The following PPP3CA variants were observed in gnomAD, a reference collection of about 807,000 sequenced individuals.
PPP3CA encodes the protein CAM-PRP catalytic subunit.
Under a neutral mutation model 66.5 loss-of-function variants are expected in PPP3CA, and 14 were observed. The observed-to-expected ratio is 0.21, with a 90% confidence interval of 0.14 to 0.33. The LOEUF (loss-of-function observed/expected upper bound fraction) is 0.33, where lower values mean the gene tolerates loss of function less well. PPP3CA is among the 10% of genes least tolerant of loss of function. The pLI is 1.00. For missense variants in PPP3CA, 317 were observed against 639.5 expected (o/e 0.50, Z 5.44); for synonymous variants, 232 against 226.2 (o/e 1.03, Z -0.23).
chr4:101,120,970 CA>C (rs1323519204), intron 2 of PPP3CA, among the ~76,000 whole-genome samples: 1 of 151,992 alleles, frequency 6.6e-6, no homozygotes, highest in Non-Finnish European at 1.5e-5. Flanking sequence ...GGAAACTATG[CA>C]AAAATCATGT....
intron 2 of PPP3CA, among the ~76,000 whole-genome samples, chr4:101,150,456 T>C (rs1723102126): frequency 6.6e-6 from 1 of 152,202 alleles, no homozygotes; most frequent in African/African-American, 2.4e-5. Flanking sequence ...ACGTTTCTCA[T>C]TCATTAAATG....
At chr4:101,154,484 A>T (rs77768583) in intron 2 of PPP3CA, among the ~76,000 whole-genome samples, 1 of 152,362 alleles carries the variant, frequency 6.6e-6, no homozygotes, top group East Asian at 1.9e-4. Flanking sequence ...AAAGAAAAAA[A>T]TCTAAAGCTA....
intron 1 of PPP3CA, among the ~76,000 whole-genome samples, chr4:101,332,856 T>A (rs1729433355): frequency 6.6e-6 from 1 of 152,216 alleles, no homozygotes; most frequent in Admixed American, 6.5e-5. Context: ...TTTGTCTAGC[T>A]GTAAACCAAT....
Position 101,080,643 on chromosome 4 carries a change from C to A in PPP3CA, c.861-17G>T. On this transcript the variant is annotated splice_polypyrimidine_tract_variant and intron_variant, in intron 7 of 13. Coordinates refer to ENST00000394854, the MANE Select transcript of PPP3CA (RefSeq NM_000944.5). Reference sequence around the variant, plus strand: ...ATGCGGTACCTAAAAAGAACAAATACAGTCAAAACAAAGCTTGTATGGAAA... The same window carrying A: ...ATGCGGTACCTAAAAAGAACAAATAAAGTCAAAACAAAGCTTGTATGGAAA... 7.2e-7 allele frequency: 1 copy of A among 1,386,848 alleles called. No homozygotes were observed. Among genetic ancestry groups the A allele is most frequent in the South Asian group, 1.6e-5 (1 of 61,024 alleles). The allele number at this position is 1,386,848 out of a possible 1,614,324, so 85.9% of individuals were successfully genotyped here.
intron 1 of PPP3CA, among the ~76,000 whole-genome samples, chr4:101,244,150 T>C (rs1348093972): frequency 6.6e-6 from 1 of 152,166 alleles, no homozygotes; most frequent in African/African-American, 2.4e-5. Flanking sequence ...AATCATCTCA[T>C]ATTTAGTTTC....
chr4:101,128,574 C>G (rs192930859), intron 2 of PPP3CA, among the ~76,000 whole-genome samples: 367 of 151,864 alleles, frequency 2.4e-3, no homozygotes, highest in Non-Finnish European at 4.1e-3. Context: ...ACTGGTTACA[C>G]AGTGGCTATA....
chr4:101,298,339 G>GATAGAT (rs1553939695), intron 1 of PPP3CA, among the ~76,000 whole-genome samples: 2 of 143,782 alleles, frequency 1.4e-5, no homozygotes, highest in Admixed American at 7.0e-5. Context: ...CAAGCAGGGA[G>GATAGAT]ATATATATAT....
chr4:101,095,256 A>G (rs989544665), intron 5 of PPP3CA, among the ~76,000 whole-genome samples: 1 of 152,166 alleles, frequency 6.6e-6, no homozygotes, highest in African/African-American at 2.4e-5. Flanking sequence ...TTTCTGAAAA[A>G]CAATAACTTA....
chr4:101,106,315 GTGCTAC>G (rs1730669773), intron 3 of PPP3CA, among the ~76,000 whole-genome samples: 1 of 149,690 alleles, frequency 6.7e-6, no homozygotes, highest in Non-Finnish European at 1.5e-5. Flanking sequence ...AGCTATGACT[GTGCTAC>G]TGCATTGTAG....
intron 6 of PPP3CA, among the ~76,000 whole-genome samples, chr4:101,092,251 G>A (rs1729986598): frequency 6.6e-6 from 1 of 152,040 alleles, no homozygotes; most frequent in African/African-American, 2.4e-5. Flanking sequence ...ATACTGTAAA[G>A]CTGCTTATTT....
chr4:101,237,838 T>C (rs1031445292), intron 1 of PPP3CA, among the ~76,000 whole-genome samples: 2 of 151,982 alleles, frequency 1.3e-5, no homozygotes, highest in African/African-American at 2.4e-5. Context: ...CTTTTAGGAG[T>C]ATTAGCTGCT....
intron 3 of PPP3CA, among the ~76,000 whole-genome samples, chr4:101,106,541 C>G: frequency 6.6e-6 from 1 of 150,522 alleles, no homozygotes; most frequent in East Asian, 2.0e-4. Context: ...CTATATAACC[C>G]TAATTCAAGG....
At chr4:101,098,251 T>C in intron 5 of PPP3CA, 116 bp downstream of exon 5, 1 of 1,190,544 alleles carries the variant, frequency 8.4e-7, no homozygotes, top group Non-Finnish European at 1.1e-6. Context: ...TCATGACCAC[T>C]TTAAATTATT....
At chr4:101,251,228 C>A (rs1285821760) in intron 1 of PPP3CA, among the ~76,000 whole-genome samples, 2 of 151,716 alleles carry the variant, frequency 1.3e-5, no homozygotes, top group African/African-American at 2.4e-5. Context: ...GAACAAAGTC[C>A]CTTAAAGTTT....
intron 1 of PPP3CA, among the ~76,000 whole-genome samples, chr4:101,317,225 C>A (rs1432744474): frequency 6.7e-6 from 1 of 149,970 alleles, no homozygotes; most frequent in Non-Finnish European, 1.5e-5. Flanking sequence ...TCAACATGGT[C>A]TTGGAGGCCC....
intron 1 of PPP3CA, among the ~76,000 whole-genome samples, chr4:101,238,741 TTCA>T (rs1408313061): frequency 6.6e-6 from 1 of 152,070 alleles, no homozygotes; most frequent in Non-Finnish European, 1.5e-5. Flanking sequence ...TGGGAAGCGC[TTCA>T]ATTCTAATGG....
intron 2 of PPP3CA, among the ~76,000 whole-genome samples, chr4:101,127,586 CT>C (rs1473373064): frequency 6.6e-6 from 1 of 152,166 alleles, no homozygotes; most frequent in Non-Finnish European, 1.5e-5. Context: ...AAGGCCCCGC[CT>C]ACATCCTGAT....
chr4:101,163,009 T>C (rs781486159), intron 2 of PPP3CA, among the ~76,000 whole-genome samples: 11 of 152,284 alleles, frequency 7.2e-5, no homozygotes, highest in Non-Finnish European at 1.3e-4. Flanking sequence ...CATCATGTGA[T>C]TAGCTGAAAG....
At position 101,346,838 on chromosome 4, in the gene PPP3CA, G is replaced by C. The variant is rs1316153438; in HGVS notation, c.-42C>G. The C allele has an allele frequency of 3.1e-6, 5 of 1,595,634 alleles. No individual in the cohort carries two copies. Among genetic ancestry groups the C allele is most frequent in the African/African-American group, 1.3e-5 (1 of 74,362 alleles). Reference sequence around the variant, plus strand: ...ACAGCGACGCGCTGCTCGTCCGTCCGACTGCACACCCCGACCGGACCGGCG... The same window carrying C: ...ACAGCGACGCGCTGCTCGTCCGTCCCACTGCACACCCCGACCGGACCGGCG... On this transcript the variant is annotated 5_prime_UTR_variant, in exon 1 of 14. Transcript: ENST00000394854.
Sources: gnomAD v4.1 joint callset for allele counts (sites outside exome capture counted in the v4.1 genomes callset) on GRCh38, gnomAD v4.1.1 for gene constraint, MANE v1.5 for transcripts, NCBI Gene and HGNC (gene_info 2026-07-23, HGNC 2026-07-21) for gene names.